The following BCL11A variants were observed in gnomAD, a reference collection of about 807,000 sequenced individuals.
BCL11A encodes BCL11 transcription factor A.
Under a neutral mutation model 55.9 loss-of-function variants are expected in BCL11A, and 2 were observed. The ratio of observed to expected loss-of-function variants is 0.04; its 90% CI spans 0.01 to 0.11. BCL11A has a LOEUF of 0.11. BCL11A is among the 10% of genes least tolerant of loss of function. BCL11A has a pLI of 1.00. For missense variants in BCL11A, 817 were observed against 1,137.1 expected, an observed-to-expected ratio of 0.72 and a Z score of 4.05; for synonymous variants, 465 against 473.4, an observed-to-expected ratio of 0.98 and a Z score of 0.23.
intron 1 of BCL11A, among the ~76,000 whole-genome samples, chr2:60,549,619 T>TGGGGCCCG (rs996927121): frequency 3.9e-5 from 6 of 152,022 alleles, no homozygotes; most frequent in Non-Finnish European, 5.9e-5. Flanking sequence ...CGCGGGGCCT[T>TGGGGCCCG]GGGGCCCGGG....
rs187776672 is a variant in BCL11A, at chr2:60,511,155, T to A, written c.385+34816A>T. The stretch of plus-strand genomic sequence containing the variant: ...ATCCCAGCTGCCTCCACGGCATTAC[T>A]CTCCCTCCATTCTTGCTTTCAGATT... On this transcript the variant is annotated intron_variant, in intron 2 of 3. Transcript: ENST00000642384. Among the ~76,000 whole-genome samples the A allele has an allele frequency of 3.5e-3, 536 of 152,124 alleles. 1 individual carries two copies. Among genetic ancestry groups the A allele is most frequent in the Non-Finnish European group, 5.4e-3 (367 of 67,998 alleles).
At chr2:60,452,932 G>T (rs954561164), downstream of BCL11A, 6 of 383,238 alleles carry the variant, frequency 1.6e-5, no homozygotes, top group African/African-American at 8.3e-5. Flanking sequence ...TTGTATGATA[G>T]TCCTAATAAA....
intron 2 of BCL11A, among the ~76,000 whole-genome samples, chr2:60,473,127 C>CAT (rs1487246468): frequency 1.2e-3 from 179 of 151,856 alleles, no homozygotes; most frequent in African/African-American, 3.8e-3. Context: ...TGTGCATGCA[C>CAT]ATGTGTGTTA....
At chr2:60,452,520 C>A (rs745746537), downstream of BCL11A, 4 of 1,404,914 alleles carry the variant, frequency 2.8e-6, no homozygotes, top group East Asian at 9.1e-5. Flanking sequence ...ACAGACCACG[C>A]TGACGTCGAC....
chr2:60,504,106 A>C (rs1053626635), intron 2 of BCL11A, among the ~76,000 whole-genome samples: 3 of 152,190 alleles, frequency 2.0e-5, no homozygotes, highest in African/African-American at 7.2e-5. Flanking sequence ...TGCCCCCATG[A>C]CATAGGGCCC....
chr2:60,463,242 C>T (rs1284124637), intron 3 of BCL11A, among the ~76,000 whole-genome samples: 1 of 152,188 alleles, frequency 6.6e-6, no homozygotes, highest in Non-Finnish European at 1.5e-5. Flanking sequence ...GAGTTGTCCC[C>T]CGGTCAGACA....
chr2:60,539,435 T>A (rs917967866), intron 2 of BCL11A, among the ~76,000 whole-genome samples: 1 of 152,192 alleles, frequency 6.6e-6, no homozygotes, highest in Middle Eastern at 3.2e-3. Context: ...AGCTCAGAAA[T>A]AGACCCCAAG....
chr2:60,457,643 G>A lies in BCL11A; in HGVS notation c.*2761C>T. 1 of 1,037,430 alleles carries A rather than the reference G, an allele frequency of 9.6e-7. No individual in the cohort carries two copies. Among genetic ancestry groups the A allele is most frequent in the Non-Finnish European group, 1.2e-6 (1 of 863,028 alleles). The allele number at this position is 1,037,430 out of a possible 1,614,324, so 64.3% of individuals were successfully genotyped here. ...AAATATAAAGCACCATTTAGTTTTTGGCAATGAAAAAAACTGCAAAACATT... is the reference window on the plus strand; with the variant it reads ...AAATATAAAGCACCATTTAGTTTTTAGCAATGAAAAAAACTGCAAAACATT... On this transcript the variant is annotated 3_prime_UTR_variant, in exon 4 of 4. Coordinates refer to ENST00000642384, the MANE Select transcript of BCL11A (RefSeq NM_022893.4).
intron 2 of BCL11A, among the ~76,000 whole-genome samples, chr2:60,482,663 C>T (rs951838226): frequency 6.6e-6 from 1 of 152,224 alleles, no homozygotes; most frequent in Admixed American, 6.5e-5. Flanking sequence ...CCTGAAAGCA[C>T]ACTGCATCCC....
In BCL11A at chr2:60,462,226, C is replaced by A. The variant is rs1572953521; in HGVS notation, c.686G>T (p.Gly229Val). Residue 229 changes from glycine (G) to valine (V), a missense_variant, in exon 4 of 4, where the codon GGG (glycine) becomes GTG (valine). Transcript: ENST00000642384. ...GGGGTTATTGTCTGCAATATGAATCCCATGGAGAGGTGGCTGGGAAGGACA... is the reference window on the plus strand; with the variant it reads ...GGGGTTATTGTCTGCAATATGAATCACATGGAGAGGTGGCTGGGAAGGACA... Reference protein sequence around the residue: ...AECPSQPPLHGIHIADNNPFN... With the variant: ...AECPSQPPLHVIHIADNNPFN... 1 of 1,613,124 alleles carries A rather than the reference C, an allele frequency of 6.2e-7. No homozygotes were observed. The highest frequency in any genetic ancestry group is 2.2e-5 in the East Asian group (1 of 44,846).
At chr2:60,472,857 C>T (rs971319424) in intron 2 of BCL11A, among the ~76,000 whole-genome samples, 1 of 152,218 alleles carries the variant, frequency 6.6e-6, no homozygotes, top group South Asian at 2.1e-4. Context: ...TGTGCCAAAA[C>T]AGCTAAGCAA....
chr2:60,477,930 G>T (rs566465914), intron 2 of BCL11A, among the ~76,000 whole-genome samples: 1 of 151,790 alleles, frequency 6.6e-6, no homozygotes, highest in East Asian at 1.9e-4. Flanking sequence ...TCTTAAGGAA[G>T]CACATCTGTC....
At chr2:60,516,977 G>C (rs1668761299) in intron 2 of BCL11A, among the ~76,000 whole-genome samples, 1 of 152,002 alleles carries the variant, frequency 6.6e-6, no homozygotes, top group Non-Finnish European at 1.5e-5. Context: ...AGATTATTTA[G>C]GAAGAAGAAG....
chr2:60,527,958 A>T (rs924883136), intron 2 of BCL11A: 3 of 152,162 alleles, frequency 2.0e-5, no homozygotes, highest in Admixed American at 2.0e-4. Context: ...CGCAGCTGAA[A>T]ACTTGCCTCT....
intron 2 of BCL11A, among the ~76,000 whole-genome samples, chr2:60,472,193 C>T (rs1407621170): frequency 6.6e-6 from 1 of 152,180 alleles, no homozygotes; most frequent in Non-Finnish European, 1.5e-5. Flanking sequence ...CCATCAGGTC[C>T]AGGGCCTTCT....
chr2:60,506,336 T>C (rs1679590701), intron 2 of BCL11A, among the ~76,000 whole-genome samples: 1 of 152,232 alleles, frequency 6.6e-6, no homozygotes, highest in Non-Finnish European at 1.5e-5. Flanking sequence ...CCACATCTAA[T>C]GCCACCAGGC....
intron 3 of BCL11A, among the ~76,000 whole-genome samples, chr2:60,463,490 C>G (rs1676436265): frequency 6.6e-6 from 1 of 152,216 alleles, no homozygotes; most frequent in African/African-American, 2.4e-5. Flanking sequence ...AGATACAGTT[C>G]AGCTAGTCAA....
chr2:60,491,897 A>C (rs995777203), intron 2 of BCL11A, among the ~76,000 whole-genome samples: 3 of 152,176 alleles, frequency 2.0e-5, no homozygotes, highest in African/African-American at 7.2e-5. Flanking sequence ...AAGGCAGTCC[A>C]CACAAATCTG....
intron 2 of BCL11A, among the ~76,000 whole-genome samples, chr2:60,469,845 C>T (rs1677102188): frequency 6.6e-6 from 1 of 152,224 alleles, no homozygotes; most frequent in Middle Eastern, 3.4e-3. Context: ...ATAGATGGTG[C>T]AGGAGACGCT....
Sources: allele counts gnomAD v4.1 joint callset (sites outside exome capture counted in the v4.1 genomes callset), GRCh38; gene constraint gnomAD v4.1.1; transcripts MANE v1.5; gene names NCBI Gene and HGNC (gene_info 2026-07-23, HGNC 2026-07-21).